ERBB4: variants seen among roughly 807,000 people sequenced by gnomAD.
The protein encoded by ERBB4 is erb-b2 receptor tyrosine kinase 4.
A neutral mutation model predicts 158.0 loss-of-function variants in ERBB4; 42 were observed. The observed-to-expected ratio is 0.27, with a 90% CI of 0.21 to 0.34. The LOEUF (loss-of-function observed/expected upper bound fraction) is 0.34. ERBB4 is among the 10% of genes least tolerant of loss of function. The pLI, the probability that ERBB4 is intolerant of heterozygous loss-of-function variation, is 1.00. For synonymous variants in ERBB4, 583 were observed against 558.7 expected (o/e 1.04, Z -0.61); for missense variants, 1,333 against 1,624.1 (o/e 0.82, Z 3.08).
At chr2:211,527,829 T>C (rs1287185388) in intron 20 of ERBB4, among the ~76,000 whole-genome samples, 5 of 151,986 alleles carry the variant, frequency 3.3e-5, no homozygotes, top group African/African-American at 9.7e-5. Flanking sequence ...GTAAACTTCA[T>C]GGTAACCTCA....
At chr2:211,558,789 T>C (rs2067307149) in intron 20 of ERBB4, among the ~76,000 whole-genome samples, 1 of 151,974 alleles carries the variant, frequency 6.6e-6, no homozygotes, top group Admixed American at 6.6e-5. Flanking sequence ...AAGGAAGGAC[T>C]CCCTGCTTAA....
intron 22 of ERBB4, among the ~76,000 whole-genome samples, chr2:211,427,950 A>G (rs1403467288): frequency 1.3e-5 from 2 of 151,606 alleles, no homozygotes; most frequent in African/African-American, 4.8e-5. Context: ...GGAAAAAAAA[A>G]AAAACAGAAA....
At chr2:211,451,990 T>C (rs537472547) in intron 20 of ERBB4, among the ~76,000 whole-genome samples, 26 of 115,016 alleles carry the variant, frequency 2.3e-4, no homozygotes, top group Non-Finnish European at 4.4e-4. Context: ...CACATTTCAC[T>C]GCGAGTAGAA....
chr2:212,017,246 C>G (rs1020135298), intron 2 of ERBB4, among the ~76,000 whole-genome samples: 3 of 151,818 alleles, frequency 2.0e-5, no homozygotes, highest in Non-Finnish European at 4.4e-5. Flanking sequence ...TGTTTTTATT[C>G]TTAAAAAATA....
At chr2:211,967,554 C>A (rs2081340548) in intron 2 of ERBB4, among the ~76,000 whole-genome samples, 2 of 151,884 alleles carry the variant, frequency 1.3e-5, no homozygotes, top group Admixed American at 1.3e-4. Context: ...CGAGAAATGG[C>A]CCCAAGAATG....
At chr2:211,743,641 G>C (rs976913696) in intron 5 of ERBB4, among the ~76,000 whole-genome samples, 1 of 152,152 alleles carries the variant, frequency 6.6e-6, no homozygotes, top group African/African-American at 2.4e-5. Context: ...CTTATGAATA[G>C]AGAGAGTTGT....
chr2:211,883,977 A>C (rs2078730322), intron 3 of ERBB4, among the ~76,000 whole-genome samples: 1 of 152,172 alleles, frequency 6.6e-6, no homozygotes, highest in African/African-American at 2.4e-5. Flanking sequence ...ATTTTATATA[A>C]TATGAAATAG....
intron 1 of ERBB4, among the ~76,000 whole-genome samples, chr2:212,311,957 C>T (rs2087063179): frequency 6.6e-6 from 1 of 150,998 alleles, no homozygotes; most frequent in Non-Finnish European, 1.5e-5. Flanking sequence ...CCAGGGGCAA[C>T]TGTCAAAATC....
intron 20 of ERBB4, among the ~76,000 whole-genome samples, chr2:211,484,091 T>A (rs1471801462): frequency 6.6e-6 from 1 of 152,076 alleles, no homozygotes; most frequent in Non-Finnish European, 1.5e-5. Flanking sequence ...GCAGTAGAAA[T>A]ACCACTTAAA....
intron 1 of ERBB4, among the ~76,000 whole-genome samples, chr2:212,318,322 T>A (rs1450375906): frequency 6.6e-6 from 1 of 151,628 alleles, no homozygotes; most frequent in East Asian, 2.0e-4. Context: ...TAATTACTGT[T>A]GTAATCAGCA....
At chr2:211,831,043 C>T (rs1173765471) in intron 3 of ERBB4, among the ~76,000 whole-genome samples, 1 of 151,744 alleles carries the variant, frequency 6.6e-6, no homozygotes, top group Non-Finnish European at 1.5e-5. Context: ...AAAGCTTATG[C>T]TAAATTAAAT....
chr2:211,505,959 CAAA>C (rs529052924), intron 20 of ERBB4, among the ~76,000 whole-genome samples: 3 of 94,718 alleles, frequency 3.2e-5, no homozygotes, highest in Admixed American at 1.2e-4. Context: ...GACTCCATCT[CAAA>C]AAAAAAAAAA....
intron 24 of ERBB4, 85 bp downstream of exon 24, chr2:211,421,922 C>T (rs1283369611): frequency 1.2e-6 from 1 of 840,260 alleles, no homozygotes. Flanking sequence ...TGGTCCTTTC[C>T]ACAGTTCCAA....
Position 211,673,517 on chromosome 2 carries a change from C to CAAAAAAAAAAAAAAAAAAAAA in ERBB4, c.1623-261_1623-260insTTTTTTTTTTTTTTTTTTTTT, listed in dbSNP as rs71054125. On this transcript the variant is annotated intron_variant, in intron 13 of 27. Coordinates refer to ENST00000342788, the MANE Select transcript of ERBB4 (RefSeq NM_005235.3). ...CCTGCAAGACATATTCCAGCAATCT[C>CAAAAAAAAAAAAAAAAAAAAA]AAAAAAAAAAAAAGCTACAAAGTAT... Among the ~76,000 whole-genome samples, 122 of 54,002 alleles carry CAAAAAAAAAAAAAAAAAAAAA rather than the reference C, an allele frequency of 2.3e-3. 23 individuals carry two copies. The highest frequency in any genetic ancestry group is 0.012 in the Middle Eastern group (1 of 86). The allele number at this position is 54,002 out of a possible 152,430, so 35.4% of individuals were successfully genotyped here.
chr2:212,140,524 T>C (rs987197081), intron 1 of ERBB4, among the ~76,000 whole-genome samples: 5 of 115,910 alleles, frequency 4.3e-5, no homozygotes, highest in African/African-American at 2.6e-4. Context: ...TTTAAAAATG[T>C]TTTTTTTTTA....
rs371889619 is a variant in ERBB4 at position 211,946,840 on chromosome 2, G to T, written c.421+590C>A. 8.6e-4 allele frequency among the ~76,000 whole-genome samples: 131 copies of T among 151,774 alleles called. 3 individuals carry two copies. In the South Asian group the frequency reaches 0.024, roughly 28 times the overall value. On this transcript the variant is annotated intron_variant, in intron 3 of 27. Coordinates refer to ENST00000342788, the MANE Select transcript of ERBB4 (RefSeq NM_005235.3). ...TCCTATCGAGTGTTTTTCACAGAAG[G>T]ATGATAATTTTAGGTTGCTTACATC... is the stretch of plus-strand genomic sequence containing the variant.
At chr2:211,817,714 G>C (rs1244964796) in intron 3 of ERBB4, among the ~76,000 whole-genome samples, 1 of 152,144 alleles carries the variant, frequency 6.6e-6, no homozygotes, top group Non-Finnish European at 1.5e-5. Flanking sequence ...GAAGTGAGCA[G>C]AAGTGAGATG....
intron 2 of ERBB4, among the ~76,000 whole-genome samples, chr2:212,019,550 C>A (rs906977245): frequency 2.0e-4 from 31 of 151,844 alleles, no homozygotes; most frequent in African/African-American, 7.0e-4. Flanking sequence ...ATTGCCTGAG[C>A]TCAGGAGTTT....
chr2:211,594,450 CAAAT>C (rs1159538007), intron 19 of ERBB4, among the ~76,000 whole-genome samples: 1 of 146,066 alleles, frequency 6.8e-6, no homozygotes, highest in Non-Finnish European at 1.5e-5. Context: ...ACAAAAATAA[CAAAT>C]AAAAAAAAAA....
Sources: gnomAD v4.1 joint callset for allele counts (sites outside exome capture counted in the v4.1 genomes callset) on GRCh38, gnomAD v4.1.1 for gene constraint, MANE v1.5 for transcripts, NCBI Gene and HGNC (gene_info 2026-07-23, HGNC 2026-07-21) for gene names.